Variants in VWDE observed in about 807,000 individuals in gnomAD.
VWDE encodes von Willebrand factor D and EGF domain-containing protein.
In VWDE, 207 loss-of-function variants were observed where a neutral mutation model predicts 178.4. The ratio of observed to expected loss-of-function variants is 1.16; its 90% CI spans 1.04 to 1.30. The LOEUF (loss-of-function observed/expected upper bound fraction) is 1.30, where lower values mean the gene tolerates loss of function less well. VWDE is among the 50% of genes most tolerant of loss of function. The pLI is 0.00. For synonymous variants in VWDE, 738 were observed against 651.4 expected, an observed-to-expected ratio of 1.13 and a Z score of -2.02; for missense variants, 2,287 against 1,901.3, an observed-to-expected ratio of 1.20 and a Z score of -3.77.
intron 6 of VWDE, among the ~76,000 whole-genome samples, chr7:12,378,211 A>G (rs1783644284): frequency 6.6e-6 from 1 of 152,184 alleles, no homozygotes; most frequent in African/African-American, 2.4e-5. Flanking sequence ...TGTGGTGAGC[A>G]CTGGAAAGCG....
At chr7:12,356,371 A>C (rs910192810) in intron 17 of VWDE, 41 bp from the exon 18 acceptor site, 14 of 1,502,580 alleles carry the variant, frequency 9.3e-6, no homozygotes, top group Non-Finnish European at 1.3e-5. Context: ...TTTTTCAATA[A>C]AATTATCTTC....
Position 12,356,234 on chromosome 7 carries a change from G to C in VWDE, c.3622C>G (p.Pro1208Ala). ...TCACAAAGGCTGCCATGGAAGCCAG[G>C]CAAGCAGACACACAGGTACACTCCA... ...GSGVYLCVCL[P>A]GFHGSLCEVD... The change falls in exon 18 of 29, where the codon CCT becomes GCT. Residue 1208 changes from proline to alanine, a missense_variant. Transcript: ENST00000275358. The C allele has an allele frequency of 6.4e-7, 1 of 1,551,492 alleles. No individual in the cohort carries two copies. Among genetic ancestry groups the C allele is most frequent in the Non-Finnish European group, 8.7e-7 (1 of 1,146,970 alleles).
At chr7:12,399,312 T>C (rs1004005329) in intron 1 of VWDE, among the ~76,000 whole-genome samples, 1 of 152,060 alleles carries the variant, frequency 6.6e-6, no homozygotes, top group African/African-American at 2.4e-5. Context: ...ACTTGAAACA[T>C]AAACGTCTTA....
At chr7:12,399,683 G>GA (rs1335840939) in intron 1 of VWDE, among the ~76,000 whole-genome samples, 3 of 152,046 alleles carry the variant, frequency 2.0e-5, no homozygotes, top group Non-Finnish European at 2.9e-5. Flanking sequence ...AACAAGCCTT[G>GA]ATAAATTTAA....
intron 16 of VWDE, among the ~76,000 whole-genome samples, chr7:12,358,303 G>A (rs1413013191): frequency 4.0e-5 from 6 of 151,788 alleles, no homozygotes; most frequent in African/African-American, 1.5e-4. Flanking sequence ...GAACCCGGGA[G>A]GTGGAGCTTG....
At chr7:12,337,358 G>A in intron 24 of VWDE, 86 bp from the exon 25 acceptor site, 4 of 1,116,844 alleles carry the variant, frequency 3.6e-6, no homozygotes, top group South Asian at 1.3e-5. Flanking sequence ...TGTCATCAAT[G>A]AGGACATAAG....
In VWDE at chr7:12,344,203, C is replaced by T. The variant is rs1236708770; in HGVS notation, c.4070G>A (p.Cys1357Tyr). 6.4e-7 allele frequency: 1 copy of T among 1,550,732 alleles called. No homozygotes were observed. Among genetic ancestry groups the T allele is most frequent in the Non-Finnish European group, 8.7e-7 (1 of 1,146,418 alleles). ...QCLPGHGGAT[C>Y]DEEHCNPPCQ... ...TTAATTTGAATTATCACCTTCATCA[C>T]AGGTTGCTCCACCATGTCCTGGAAG... The change falls in exon 21 of 29, where the codon TGT becomes TAT. Residue 1357 changes from cysteine (C) to tyrosine (Y), a missense_variant. Transcript: ENST00000275358.
rs1783625726 is a variant in VWDE, at chr7:12,377,846, A to C, written c.954T>G (p.Ile318Met). The part of the protein sequence containing the change: ...YYLRIESTVP[I>M]ICSEFSELDQ... ...CAAGCTCACTAAATTCAGAACAAAT[A>C]ATAGGAACTGTGCTTTCTATCCTCA... Residue 318 changes from isoleucine to methionine, a missense_variant, in exon 7 of 29, where the codon ATT becomes ATG. Physicochemically the swap from Ile to Met is conservative, Grantham distance 10. Coordinates refer to ENST00000275358, the MANE Select transcript of VWDE (RefSeq NM_001135924.3). 2 of 1,530,140 alleles carry C rather than the reference A, an allele frequency of 1.3e-6. No individual in the cohort carries two copies. Among genetic ancestry groups the C allele is most frequent in the South Asian group, 2.5e-5 (2 of 78,712 alleles). The allele number at this position is 1,530,140 out of a possible 1,614,324, so 94.8% of individuals were successfully genotyped here.
At chr7:12,357,719 C>G (rs1488090652) in intron 16 of VWDE, among the ~76,000 whole-genome samples, 1 of 151,850 alleles carries the variant, frequency 6.6e-6, no homozygotes, top group African/African-American at 2.4e-5. Flanking sequence ...AGGTGCAAGA[C>G]CTCAGGCATT....
At chr7:12,340,183 G>A in intron 24 of VWDE, 139 bp downstream of exon 24, 1 of 634,206 alleles carries the variant, frequency 1.6e-6, no homozygotes, top group Non-Finnish European at 2.8e-6. Flanking sequence ...GTAATTTGGT[G>A]GGCATACTTG....
In VWDE at chr7:12,400,664, A is replaced by G. The variant is rs111254313; in HGVS notation, c.58+2995T>C. ...AATTTGTCTCAAACACTTTCAAAAA[A>G]TAGAAGAAGATGGAACACTTTCCAC... On this transcript the variant is annotated intron_variant, in intron 1 of 28. Coordinates refer to ENST00000275358, the MANE Select transcript of VWDE (RefSeq NM_001135924.3). Among the ~76,000 whole-genome samples the G allele has an allele frequency of 3.2e-3, 487 of 151,650 alleles. 3 individuals carry two copies. Among genetic ancestry groups the G allele is most frequent in the African/African-American group, 0.011 (471 of 41,556 alleles).
At chr7:12,346,581 G>A (rs1440033) in intron 19 of VWDE, among the ~76,000 whole-genome samples, 101,227 of 151,066 alleles carry the variant, frequency 0.67, 35,609 homozygotes, top group African/African-American at 0.91. Flanking sequence ...TGACTGCTCA[G>A]CTAGAAATTA....
chr7:12,367,168 A>T (rs16877397), intron 13 of VWDE, among the ~76,000 whole-genome samples, 189 bp downstream of exon 13: 1 of 152,000 alleles, frequency 6.6e-6, no homozygotes, highest in Non-Finnish European at 1.5e-5. Context: ...TAAAAAGTTT[A>T]TAAGATATTT....
rs758177880 is a variant in VWDE, at chr7:12,370,799, G to C, written c.1653C>G (p.Ile551Met). The change falls in exon 11 of 29, where the codon ATC becomes ATG. Residue 551 changes from isoleucine to methionine, a missense_variant. By Grantham distance (10) the Ile-to-Met change is conservative. Coordinates refer to ENST00000275358, the MANE Select transcript of VWDE (RefSeq NM_001135924.3). ...TTCTGTAATCTACACTAGGGGCTCT[G>C]ATCGTTAGACTCATGCCCCATTCAC... ...DLGEWGMSLT[I>M]RAPSVDYRNT... The C allele has an allele frequency of 5.8e-6, 9 of 1,551,154 alleles. No homozygotes were observed. Among genetic ancestry groups the C allele is most frequent in the Middle Eastern group, 3.3e-4 (2 of 5,990 alleles).
intron 23 of VWDE, among the ~76,000 whole-genome samples, chr7:12,341,014 C>G (rs1781300571): frequency 6.6e-6 from 1 of 152,174 alleles, no homozygotes; most frequent in Non-Finnish European, 1.5e-5. Context: ...ACATCTACTA[C>G]AAATACTATT....
At chr7:12,354,469 T>A (rs1215797896) in intron 18 of VWDE, 2 of 383,064 alleles carry the variant, frequency 5.2e-6, no homozygotes, top group Middle Eastern at 3.6e-4. Context: ...CTCATCAACA[T>A]CTTCCTGGCA....
At chr7:12,354,847 G>T (rs1339582688) in intron 18 of VWDE, among the ~76,000 whole-genome samples, 1 of 152,142 alleles carries the variant, frequency 6.6e-6, no homozygotes, top group African/African-American at 2.4e-5. Context: ...TAGGATGGTT[G>T]TCTGTTTAGC....
intron 19 of VWDE, among the ~76,000 whole-genome samples, chr7:12,351,160 T>C (rs1237097988): frequency 1.3e-5 from 2 of 152,062 alleles, no homozygotes; most frequent in Non-Finnish European, 2.9e-5. Context: ...ATGAAGACAA[T>C]CACAGAATGA....
intron 6 of VWDE, 105 bp downstream of exon 6, chr7:12,379,372 G>T: frequency 4.4e-6 from 3 of 685,612 alleles, no homozygotes; most frequent in South Asian, 3.5e-5. Context: ...TCAACATTCC[G>T]ATTCAGTCTG....
Sources: allele counts gnomAD v4.1 joint callset (sites outside exome capture counted in the v4.1 genomes callset), GRCh38; gene constraint gnomAD v4.1.1; transcripts MANE v1.5; gene names NCBI Gene and HGNC (gene_info 2026-07-23, HGNC 2026-07-21).